Variants in ST3GAL3 observed in about 807,000 individuals in gnomAD.
ST3GAL3 encodes the protein CMP-N-acetylneuraminate-beta-1,4-galactoside alpha-2,3-sialyltransferase.
In ST3GAL3, 21 loss-of-function variants were observed where a neutral mutation model predicts 50.1. The ratio of observed to expected loss-of-function variants is 0.42; its 90% CI spans 0.30 to 0.60. The LOEUF is 0.60. Ranked by LOEUF, ST3GAL3 falls within the 20% of genes least tolerant of loss-of-function variation. The probability of loss-of-function intolerance (pLI) is 0.19; values close to 1 mark genes in which losing one functional copy is unlikely to be tolerated. For missense variants in ST3GAL3, 353 were observed against 489.4 expected (o/e 0.72, Z 2.63); for synonymous variants, 183 against 190.0 (o/e 0.96, Z 0.30).
At chr1:43,797,330 TA>T (rs2058792551) in intron 3 of ST3GAL3, among the ~76,000 whole-genome samples, 1 of 152,154 alleles carries the variant, frequency 6.6e-6, no homozygotes, top group Non-Finnish European at 1.5e-5. Flanking sequence ...GAAAATCTTT[TA>T]AAAGTTGAAC....
In ST3GAL3 at chr1:43,737,239, C is replaced by T. The variant is rs985554556; in HGVS notation, c.118+859C>T. On this transcript the variant is annotated intron_variant, in intron 2 of 11. Coordinates refer to ENST00000347631, the MANE Select transcript of ST3GAL3 (RefSeq NM_006279.5). The surrounding 1 kb of genome is among the most constrained non-coding windows in gnomAD (Gnocchi z 4.0). ...TTTGACCTGCAGTGATATGTCTTCT[C>T]TTAAAATAGTTTTATTTTTACTAAC... 1 of 152,166 alleles carries T rather than the reference C, an allele frequency of 6.6e-6. No individual in the cohort carries two copies. Among genetic ancestry groups the T allele is most frequent in the African/African-American group, 2.4e-5 (1 of 41,438 alleles). The allele number at this position is 152,166 out of a possible 1,614,324, so 9.4% of individuals were successfully genotyped here.
chr1:43,799,955 A>G (rs1208245568), intron 3 of ST3GAL3, among the ~76,000 whole-genome samples: 3 of 152,166 alleles, frequency 2.0e-5, no homozygotes, highest in Non-Finnish European at 4.4e-5. Flanking sequence ...TTCCCAAGAC[A>G]GAAGAGAGAT....
chr1:43,772,448 T>G (rs943161093), intron 2 of ST3GAL3: 5 of 158,220 alleles, frequency 3.2e-5, no homozygotes, highest in Non-Finnish European at 5.6e-5. Flanking sequence ...CCTTCCATCA[T>G]GAGCTCATTG....
intron 2 of ST3GAL3, among the ~76,000 whole-genome samples, chr1:43,752,927 A>G (rs950963264): frequency 2.6e-5 from 4 of 152,266 alleles, no homozygotes; most frequent in Non-Finnish European, 5.9e-5. Context: ...AGGATTATGT[A>G]TAAATCTTTA....
chr1:43,920,332 G>T, intron 9 of ST3GAL3, 72 bp from the exon 10 acceptor site: 1 of 1,603,090 alleles, frequency 6.2e-7, no homozygotes, highest in Non-Finnish European at 8.5e-7. Context: ...CCCTACTTGG[G>T]GTCCCTGCCA....
intron 2 of ST3GAL3, chr1:43,738,071 C>T (rs1373931319): frequency 6.6e-6 from 1 of 151,952 alleles, no homozygotes; most frequent in African/African-American, 2.4e-5. Flanking sequence ...ATAATAAATA[C>T]TGAAGGCAGA....
intron 2 of ST3GAL3, among the ~76,000 whole-genome samples, chr1:43,787,960 T>G (rs1258744286): frequency 6.6e-6 from 1 of 152,234 alleles, no homozygotes; most frequent in Non-Finnish European, 1.5e-5. Flanking sequence ...CGTTTCAGCA[T>G]GTACAGTGAA....
chr1:43,869,505 G>A (rs1330630682), intron 5 of ST3GAL3, among the ~76,000 whole-genome samples: 2 of 152,138 alleles, frequency 1.3e-5, no homozygotes, highest in African/African-American at 2.4e-5. Context: ...TGCTCCAGGT[G>A]GCTTAACAGG....
intron 3 of ST3GAL3, among the ~76,000 whole-genome samples, chr1:43,803,681 C>T (rs2059570588): frequency 6.6e-6 from 1 of 152,198 alleles, no homozygotes; most frequent in South Asian, 2.1e-4. Flanking sequence ...CAGTGTTCAT[C>T]CAACAAGTTA....
intron 11 of ST3GAL3, among the ~76,000 whole-genome samples, chr1:43,926,564 C>T (rs185528458): frequency 6.9e-6 from 1 of 144,874 alleles, no homozygotes; most frequent in Non-Finnish European, 1.6e-5. Flanking sequence ...GAGATTGCAC[C>T]ATTGCACTCC....
At chr1:43,799,700 A>G (rs1483602684) in intron 3 of ST3GAL3, 4 of 152,214 alleles carry the variant, frequency 2.6e-5, no homozygotes, top group Non-Finnish European at 5.9e-5. Context: ...CCCAACATTC[A>G]GACCATTTCA....
intron 9 of ST3GAL3, among the ~76,000 whole-genome samples, chr1:43,904,565 C>G (rs930596535): frequency 6.6e-6 from 1 of 151,970 alleles, no homozygotes; most frequent in Non-Finnish European, 1.5e-5. Flanking sequence ...TCCTCTACCC[C>G]CAGATAAAAA....
At chr1:43,859,988 C>T (rs1411432075) in intron 5 of ST3GAL3, among the ~76,000 whole-genome samples, 1 of 152,216 alleles carries the variant, frequency 6.6e-6, no homozygotes, top group Non-Finnish European at 1.5e-5. Flanking sequence ...CTCAAACCCC[C>T]TGCCTCTGCT....
chr1:43,863,295 G>C (rs551065756), intron 5 of ST3GAL3, among the ~76,000 whole-genome samples: 29 of 152,316 alleles, frequency 1.9e-4, no homozygotes, highest in African/African-American at 6.7e-4. Context: ...GTGTGGGGCT[G>C]TGGGGAGGCT....
intron 3 of ST3GAL3, among the ~76,000 whole-genome samples, chr1:43,813,573 T>C (rs1239148157): frequency 6.6e-6 from 1 of 152,210 alleles, no homozygotes; most frequent in Non-Finnish European, 1.5e-5. Flanking sequence ...CTAGTTGATA[T>C]CTTCAATTTT....
At chr1:43,900,389 C>T (rs548294672) in intron 9 of ST3GAL3, among the ~76,000 whole-genome samples, 23 of 152,316 alleles carry the variant, frequency 1.5e-4, no homozygotes, top group Admixed American at 1.2e-3. Context: ...GGTCTGGGCC[C>T]ATTTCTTTAG....
intron 6 of ST3GAL3, among the ~76,000 whole-genome samples, chr1:43,896,389 A>G (rs2154268543): frequency 6.6e-6 from 1 of 152,352 alleles, no homozygotes; most frequent in South Asian, 2.1e-4. Context: ...AAAAAATACT[A>G]GGAATAATAA....
intron 2 of ST3GAL3, among the ~76,000 whole-genome samples, chr1:43,788,381 C>T (rs979282796): frequency 6.6e-6 from 1 of 152,218 alleles, no homozygotes; most frequent in Non-Finnish European, 1.5e-5. Context: ...TCCGGGCAGT[C>T]AGCTCCTCAG....
At chr1:43,834,264 A>C (rs2063956751) in intron 4 of ST3GAL3, among the ~76,000 whole-genome samples, 1 of 152,146 alleles carries the variant, frequency 6.6e-6, no homozygotes, top group Non-Finnish European at 1.5e-5. Flanking sequence ...ACTTGGGGAA[A>C]TATTTCCTAA....
Sources: gnomAD v4.1 joint callset for allele counts (sites outside exome capture counted in the v4.1 genomes callset) on GRCh38, gnomAD v4.1.1 for gene constraint, Gnocchi (gnomAD v3.1) non-coding constraint, MANE v1.5 for transcripts, NCBI Gene and HGNC (gene_info 2026-07-23, HGNC 2026-07-21) for gene names.